Variants in ITGA1 observed in about 807,000 individuals in gnomAD.
The protein encoded by ITGA1 is integrin alpha-1.
In ITGA1, 85 loss-of-function variants were observed where a neutral mutation model predicts 145.9. The observed-to-expected ratio is 0.58, with a 90% CI of 0.49 to 0.70. ITGA1 has a LOEUF of 0.70. Among genes scored for constraint, ITGA1 ranks in the 30% least tolerant of loss-of-function variants. The probability of loss-of-function intolerance (pLI) is 0.00; values close to 1 mark genes in which losing one functional copy is unlikely to be tolerated. For missense variants in ITGA1, 1,351 were observed against 1,418.7 expected (o/e 0.95, Z 0.77); for synonymous variants, 520 against 495.3 (o/e 1.05, Z -0.66).
At chr5:52,823,992 A>G (rs1483400888) in intron 1 of ITGA1, among the ~76,000 whole-genome samples, 1 of 152,204 alleles carries the variant, frequency 6.6e-6, no homozygotes, top group African/African-American at 2.4e-5. Context: ...AAAGAGCTCT[A>G]GCTTGAAGAA....
chr5:52,881,748 T>C, intron 6 of ITGA1, 125 bp from the exon 7 acceptor site: 4 of 746,502 alleles, frequency 5.4e-6, no homozygotes, highest in Non-Finnish European at 8.6e-6. Context: ...AATAGAAGCA[T>C]TTGTGTACTG....
chr5:52,847,400 C>A (rs890100043), intron 1 of ITGA1, among the ~76,000 whole-genome samples: 1 of 152,076 alleles, frequency 6.6e-6, no homozygotes, highest in Non-Finnish European at 1.5e-5. Context: ...TTAATCCACT[C>A]ACAATTTATA....
chr5:52,871,082 A>G (rs1330877164), intron 6 of ITGA1, among the ~76,000 whole-genome samples: 1 of 152,234 alleles, frequency 6.6e-6, no homozygotes, highest in Non-Finnish European at 1.5e-5. Flanking sequence ...CCAGTCATGC[A>G]TCTTTCTCAA....
Position 52,927,566 on chromosome 5 carries a change from T to C in ITGA1, c.2614-18T>C, listed in dbSNP as rs372643267. On this transcript the variant is annotated intron_variant, in intron 19 of 28. Coordinates refer to ENST00000282588, the MANE Select transcript of ITGA1 (RefSeq NM_181501.2). ...CACCTGCTTGTCCACTCTGATTCTG[T>C]TTGCTTTCTCTTCCTAGGCTATCCA... 6.4e-7 allele frequency: 1 copy of C among 1,572,544 alleles called. No individual in the cohort carries two copies. Among genetic ancestry groups the C allele is most frequent in the Non-Finnish European group, 8.7e-7 (1 of 1,147,364 alleles).
chr5:52,819,831 G>A (rs1652942775), intron 1 of ITGA1, among the ~76,000 whole-genome samples: 2 of 151,896 alleles, frequency 1.3e-5, no homozygotes, highest in African/African-American at 4.8e-5. Flanking sequence ...TGTATAAGGT[G>A]TAAGGAAGGG....
rs1751273372 is a variant in ITGA1, at chr5:52,954,422, A to G, written c.*1971A>G. 1.3e-5 allele frequency: 2 copies of G among 152,210 alleles called. No individual in the cohort carries two copies. The highest frequency in any genetic ancestry group is 2.4e-5 in the African/African-American group (1 of 41,452). The allele number at this position is 152,210 out of a possible 1,614,324, so 9.4% of individuals were successfully genotyped here. On this transcript the variant is annotated 3_prime_UTR_variant, in exon 29 of 29. Coordinates refer to ENST00000282588, the MANE Select transcript of ITGA1 (RefSeq NM_181501.2). ...AACCATAAGTGTGCACTTTTAAACTAAATTGTTAACTGAAAGGGAAAAAAT... is the reference window on the plus strand; with the variant it reads ...AACCATAAGTGTGCACTTTTAAACTGAATTGTTAACTGAAAGGGAAAAAAT...
chr5:52,915,798 C>A (rs1750638258), intron 15 of ITGA1, among the ~76,000 whole-genome samples: 1 of 152,094 alleles, frequency 6.6e-6, no homozygotes, highest in Non-Finnish European at 1.5e-5. Context: ...AGAATGAACT[C>A]TTAATTTGGT....
chr5:52,935,257 C>T (rs2061056446), intron 23 of ITGA1, among the ~76,000 whole-genome samples: 1 of 151,668 alleles, frequency 6.6e-6, no homozygotes, highest in African/African-American at 2.4e-5. Flanking sequence ...AAGGTGAAAC[C>T]CGGTAAGTTT....
chr5:52,883,717 T>G (rs1246047657), intron 7 of ITGA1, among the ~76,000 whole-genome samples: 1 of 152,216 alleles, frequency 6.6e-6, no homozygotes, highest in East Asian at 1.9e-4. Flanking sequence ...TGGATTCTCC[T>G]GTCTTGAAGA....
intron 1 of ITGA1, among the ~76,000 whole-genome samples, chr5:52,840,017 A>AT (rs1217155415): frequency 6.6e-6 from 1 of 152,172 alleles, no homozygotes; most frequent in African/African-American, 2.4e-5. Context: ...GGAATTTGCA[A>AT]TTGCCAGTTA....
Position 52,861,610 on chromosome 5 carries a change from C to A in ITGA1, c.295+51C>A, listed in dbSNP as rs751640264. 10 of 1,016,182 alleles carry A rather than the reference C, an allele frequency of 9.8e-6. No individual in the cohort carries two copies. The South Asian group carries it at 1.3e-4, about 13-fold the overall frequency. The allele number at this position is 1,016,182 out of a possible 1,614,324, so 62.9% of individuals were successfully genotyped here. A position where few individuals can be genotyped will look rare whatever the true frequency, so the allele number is the denominator to read the frequency against. On this transcript the variant is annotated intron_variant, in intron 3 of 28. Transcript: ENST00000282588. ...TTTAGGCCAGGTGCGGTGAGTCACG[C>A]CTGTAATCCCCACACTTTAAGAGGT...
Position 52,876,463 on chromosome 5 carries a change from G to A in ITGA1, c.625-5410G>A, listed in dbSNP as rs533810397. ...TGGTTCCTAAGAAAACAAGCACCCC[G>A]GTATCAGCCAGGGAACTACATTGAA... On this transcript the variant is annotated intron_variant, in intron 6 of 28. Transcript: ENST00000282588. Among the ~76,000 whole-genome samples the A allele has an allele frequency of 8.5e-5, 13 of 152,224 alleles. 1 individual carries two copies. In the East Asian group the frequency reaches 1.4e-3, roughly 16 times the overall value.
At chr5:52,916,108 A>C (rs1270366960) in intron 15 of ITGA1, among the ~76,000 whole-genome samples, 1 of 152,196 alleles carries the variant, frequency 6.6e-6, no homozygotes, top group African/African-American at 2.4e-5. Flanking sequence ...TTTCAGATAC[A>C]TACATTCATA....
intron 6 of ITGA1, among the ~76,000 whole-genome samples, chr5:52,878,759 A>G (rs776380739): frequency 9.2e-5 from 14 of 152,214 alleles, no homozygotes; most frequent in Non-Finnish European, 1.8e-4. Flanking sequence ...TTCCTTTAAA[A>G]GGAGACCAGG....
At chr5:52,949,615 G>T (rs1044439278) in intron 28 of ITGA1, among the ~76,000 whole-genome samples, 2 of 152,076 alleles carry the variant, frequency 1.3e-5, no homozygotes, top group Non-Finnish European at 2.9e-5. Context: ...CTATAGGGTA[G>T]GGCTCTTTAC....
At chr5:52,814,924 C>T (rs900293238) in intron 1 of ITGA1, among the ~76,000 whole-genome samples, 1 of 152,120 alleles carries the variant, frequency 6.6e-6, no homozygotes, top group Non-Finnish European at 1.5e-5. Flanking sequence ...CTGGGGTTAC[C>T]TCAGGCCACT....
intron 1 of ITGA1, among the ~76,000 whole-genome samples, chr5:52,815,836 A>T (rs1372804288): frequency 6.6e-6 from 1 of 152,210 alleles, no homozygotes; most frequent in African/African-American, 2.4e-5. Context: ...ATAATGTGAG[A>T]TTCTCTTAGA....
intron 2 of ITGA1, among the ~76,000 whole-genome samples, chr5:52,860,133 C>T (rs896472300): frequency 6.6e-6 from 1 of 152,170 alleles, no homozygotes; most frequent in South Asian, 2.1e-4. Context: ...TGTTGAGATT[C>T]ATCTGAATTC....
chr5:52,860,693 C>T (rs967861842), intron 2 of ITGA1, among the ~76,000 whole-genome samples: 2 of 152,238 alleles, frequency 1.3e-5, no homozygotes, highest in Non-Finnish European at 2.9e-5. Flanking sequence ...AATAAATCAG[C>T]AACTGTGGAT....
Sources: allele counts gnomAD v4.1 joint callset (sites outside exome capture counted in the v4.1 genomes callset), GRCh38; gene constraint gnomAD v4.1.1; transcripts MANE v1.5; gene names NCBI Gene and HGNC (gene_info 2026-07-23, HGNC 2026-07-21).